Variants in PSME4 observed in about 807,000 individuals in gnomAD.
The protein encoded by PSME4 is proteasome activator subunit 4, also known as proteasome activator complex subunit 4.
In PSME4, 89 loss-of-function variants were observed where a neutral mutation model predicts 253.9. The ratio of observed to expected loss-of-function variants is 0.35; its 90% CI spans 0.30 to 0.42. PSME4 has a LOEUF of 0.42. Among genes scored for constraint, PSME4 ranks in the 10% least tolerant of loss-of-function variants. The probability of loss-of-function intolerance (pLI) is 1.00; values close to 1 mark genes in which losing one functional copy is unlikely to be tolerated. For missense variants in PSME4, 2,014 were observed against 2,195.2 expected (o/e 0.92, Z 1.65); for synonymous variants, 851 against 759.2 (o/e 1.12, Z -1.99).
chr2:53,872,527 G>A (rs1368669050), intron 43 of PSME4, among the ~76,000 whole-genome samples: 1 of 151,746 alleles, frequency 6.6e-6, no homozygotes, highest in Non-Finnish European at 1.5e-5. Context: ...GATTGCTTGG[G>A]CCCAGGAGTT....
intron 17 of PSME4, among the ~76,000 whole-genome samples, chr2:53,921,997 C>T (rs1014626371): frequency 2.0e-5 from 3 of 150,862 alleles, no homozygotes; most frequent in African/African-American, 7.3e-5. Flanking sequence ...ACAGTGAAAC[C>T]CCGTCTCTAC....
rs917276538 is a variant in PSME4 at position 53,932,043 on chromosome 2, G to A, written c.1108C>T (p.Arg370Cys). Reference protein sequence around the residue: ...LPNSVVRRLHRERYKKPSWLT... With the variant: ...LPNSVVRRLHCERYKKPSWLT... Reference sequence around the variant, plus strand: ...CAAGAGGGCTTCTTGTATCTTTCACGATGCAATCTTCTAACAACACTGTTT... The same window carrying A: ...CAAGAGGGCTTCTTGTATCTTTCACAATGCAATCTTCTAACAACACTGTTT... Residue 370 changes from arginine to cysteine, a missense_variant, in exon 10 of 47, where the codon CGT (arginine) becomes TGT (cysteine). Arg to Cys is a radical substitution (Grantham distance 180, BLOSUM62 -3). Transcript: ENST00000404125. 6 of 1,613,750 alleles carry A rather than the reference G, an allele frequency of 3.7e-6. No individual in the cohort carries two copies. Among genetic ancestry groups the A allele is most frequent in the South Asian group, 1.1e-5 (1 of 91,070 alleles).
At chr2:53,953,984 C>T (rs1670117047) in intron 1 of PSME4, among the ~76,000 whole-genome samples, 1 of 152,238 alleles carries the variant, frequency 6.6e-6, no homozygotes, top group African/African-American at 2.4e-5. Flanking sequence ...CCGCTTCCTC[C>T]TCACAGCCCT....
intron 37 of PSME4, among the ~76,000 whole-genome samples, chr2:53,889,065 A>G (rs1351392992): frequency 2.0e-5 from 3 of 151,786 alleles, no homozygotes; most frequent in Admixed American, 6.6e-5. Flanking sequence ...GAGTCTCCCT[A>G]CGTTGCCCAG....
intron 12 of PSME4, among the ~76,000 whole-genome samples, chr2:53,927,063 T>A (rs576880498): frequency 6.6e-6 from 1 of 152,188 alleles, no homozygotes; most frequent in Non-Finnish European, 1.5e-5. Flanking sequence ...TAAATGTCAA[T>A]CCCTTGGACA....
At chr2:53,920,739 G>A in intron 18 of PSME4, 150 bp downstream of exon 18, 1 of 725,076 alleles carries the variant, frequency 1.4e-6, no homozygotes, top group Non-Finnish European at 2.3e-6. Flanking sequence ...TGCAAAGTGA[G>A]ACAGCACAAG....
At chr2:53,945,461 T>A (rs1669657179) in intron 3 of PSME4, among the ~76,000 whole-genome samples, 1 of 152,066 alleles carries the variant, frequency 6.6e-6, no homozygotes, top group Non-Finnish European at 1.5e-5. Flanking sequence ...AAGGGTCTTT[T>A]GTCCTAGAGG....
chr2:53,964,288 T>C (rs951266322), intron 1 of PSME4, among the ~76,000 whole-genome samples: 1 of 152,222 alleles, frequency 6.6e-6, no homozygotes, highest in Non-Finnish European at 1.5e-5. Context: ...CTCTATACTT[T>C]CCATTCAATT....
intron 4 of PSME4, among the ~76,000 whole-genome samples, chr2:53,939,189 G>A (rs1669266007): frequency 6.6e-6 from 1 of 152,072 alleles, no homozygotes; most frequent in Non-Finnish European, 1.5e-5. Context: ...TAATACAGAA[G>A]GTCAGCAATA....
At chr2:53,944,459 C>G (rs1669609271) in intron 3 of PSME4, among the ~76,000 whole-genome samples, 1 of 151,730 alleles carries the variant, frequency 6.6e-6, no homozygotes, top group African/African-American at 2.4e-5. Context: ...CATGCCCAGC[C>G]GAATTTTGTT....
At chr2:53,903,842 A>T (rs891166197) in intron 27 of PSME4, among the ~76,000 whole-genome samples, 183 bp downstream of exon 27, 1 of 149,864 alleles carries the variant, frequency 6.7e-6, no homozygotes, top group African/African-American at 2.5e-5. Context: ...AATCGTGCTG[A>T]TATCTTCAAT....
chr2:53,920,318 C>A lies in PSME4; in HGVS notation c.2295G>T (p.Leu765=), dbSNP rs1668242533. 1 of 1,613,316 alleles carries A rather than the reference C, an allele frequency of 6.2e-7. No homozygotes were observed. Among genetic ancestry groups the A allele is most frequent in the African/African-American group, 1.3e-5 (1 of 74,904 alleles). The change falls in exon 19 of 47, where the codon CTG becomes CTT. Residue 765 remains leucine, a synonymous_variant. Transcript: ENST00000404125. ...DWGKPGDLWN[L]GIQWHVPSSE... ...AAGAAGGAACATGCCACTGGATTCCCAGATTCCACAAGTCCCCGGGTTTGC... is the reference window on the plus strand; with the variant it reads ...AAGAAGGAACATGCCACTGGATTCCAAGATTCCACAAGTCCCCGGGTTTGC...
At chr2:53,940,089 C>T in intron 3 of PSME4, 89 bp from the exon 4 acceptor site, 1 of 1,012,574 alleles carries the variant, frequency 9.9e-7, no homozygotes, top group Non-Finnish European at 1.4e-6. Context: ...GATAACCTCA[C>T]ACATTCAGGT....
chr2:53,900,646 A>G (rs1680354661), intron 28 of PSME4, among the ~76,000 whole-genome samples: 1 of 152,368 alleles, frequency 6.6e-6, no homozygotes, highest in African/African-American at 2.4e-5. Context: ...TATTTATGAT[A>G]TGTGAATTAC....
chr2:53,901,542 G>C lies in PSME4; in HGVS notation c.3093C>G (p.Leu1031=). The C allele has an allele frequency of 6.2e-7, 1 of 1,611,976 alleles. No homozygotes were observed. Among genetic ancestry groups the C allele is most frequent in the Non-Finnish European group, 8.5e-7 (1 of 1,178,446 alleles). Residue 1031 remains leucine, a synonymous_variant, in exon 28 of 47, where the codon CTC becomes CTG. Coordinates refer to ENST00000404125, the MANE Select transcript of PSME4 (RefSeq NM_014614.3). ...AGCACACACCACTGTGATTTCCAAG[G>C]AGACAGTACAAGGCACCCTGCAGAA... ...QQQFKGALYC[L]LGNHSGVCLA...
At position 53,937,520 on chromosome 2, in the gene PSME4, G is replaced by C. The variant is rs1023117646; in HGVS notation, c.566C>G (p.Thr189Ser). 3 of 1,610,436 alleles carry C rather than the reference G, an allele frequency of 1.9e-6. No individual in the cohort carries two copies. The African/African-American group carries it at 4.0e-5, about 22-fold the overall frequency. ...TCGCCATTCTTCTAGCATCTCAGCG[G>C]TGGCATCTGCTGGAAAATATCTAAT... ...SCRPYFPADA[T>S]AEMLEEWRPL... Residue 189 changes from threonine (T) to serine (S), a missense_variant, in exon 5 of 47, where the codon ACC (threonine) becomes AGC (serine). Thr to Ser is a moderately conservative substitution (Grantham distance 58). Coordinates refer to ENST00000404125, the MANE Select transcript of PSME4 (RefSeq NM_014614.3).
At chr2:53,887,084 T>G (rs805397) in intron 40 of PSME4, among the ~76,000 whole-genome samples, 175 bp downstream of exon 40, 1 of 151,938 alleles carries the variant, frequency 6.6e-6, no homozygotes, top group Non-Finnish European at 1.5e-5. Flanking sequence ...GTGATGATGG[T>G]TGCGCAAGGA....
Position 53,900,020 on chromosome 2 carries a change from T to A in PSME4, c.3286-3A>T, listed in dbSNP as rs764597051. ...ATTTCAACACATGACTTTGGAATCT[T>A]GTTAAAAAGAAAAAAGCAGGAAAAA... On this transcript the variant is annotated splice_region_variant and splice_polypyrimidine_tract_variant and intron_variant, in intron 28 of 46. Coordinates refer to ENST00000404125, the MANE Select transcript of PSME4 (RefSeq NM_014614.3). 2.6e-5 allele frequency: 41 copies of A among 1,607,678 alleles called. No homozygotes were observed. In the East Asian group the frequency reaches 8.9e-4, roughly 35 times the overall value.
At chr2:53,910,279 A>G in intron 20 of PSME4, 149 bp from the exon 21 acceptor site, 1 of 676,404 alleles carries the variant, frequency 1.5e-6, no homozygotes, top group Non-Finnish European at 2.6e-6. Context: ...GGAAAAATCA[A>G]TCTATCTTTC....
Sources: allele counts gnomAD v4.1 joint callset (sites outside exome capture counted in the v4.1 genomes callset), GRCh38; gene constraint gnomAD v4.1.1; transcripts MANE v1.5; gene names NCBI Gene and HGNC (gene_info 2026-07-23, HGNC 2026-07-21).